Variants in PIGL observed in about 807,000 individuals in gnomAD.
The protein encoded by PIGL is phosphatidylinositol glycan anchor biosynthesis class L.
A neutral mutation model predicts 31.1 loss-of-function variants in PIGL; 22 were observed. That is an observed-to-expected ratio of 0.71 (90% confidence interval 0.51 to 1.01). The LOEUF (loss-of-function observed/expected upper bound fraction) is 1.01. Ranked by LOEUF, PIGL falls within the 50% of genes least tolerant of loss-of-function variation. The probability of loss-of-function intolerance (pLI) is 0.00; values close to 1 mark genes in which losing one functional copy is unlikely to be tolerated. For missense variants in PIGL, 302 were observed against 315.9 expected, an observed-to-expected ratio of 0.96 and a Z score of 0.33; for synonymous variants, 131 against 117.4, an observed-to-expected ratio of 1.12 and a Z score of -0.75.
intron 2 of PIGL, among the ~76,000 whole-genome samples, chr17:16,259,198 A>T (rs1311756147): frequency 6.6e-6 from 1 of 152,016 alleles, no homozygotes; most frequent in Non-Finnish European, 1.5e-5. Flanking sequence ...TGGAAGGATG[A>T]GTAGGCTTTA....
At chr17:16,317,325 C>A in intron 5 of PIGL, 1 of 979,694 alleles carries the variant, frequency 1.0e-6, no homozygotes, top group Non-Finnish European at 1.2e-6. Context: ...TATATCAATC[C>A]TGTGAGACAG....
intron 2 of PIGL, among the ~76,000 whole-genome samples, chr17:16,258,605 G>C (rs908021488): frequency 3.3e-5 from 5 of 152,086 alleles, no homozygotes; most frequent in Non-Finnish European, 7.4e-5. Context: ...CCGGGCCCAA[G>C]CGATTCTCCT....
In PIGL at chr17:16,304,708, C is replaced by T. The variant is rs889978184; in HGVS notation, c.426+4730C>T. On this transcript the variant is annotated intron_variant, in intron 3 of 6. Transcript: ENST00000225609. ...TCTCTGGGTGTTAAGCAGGCTAGGTCCTGGGCCTCAACCCCTCTACCTCAA... is the reference window on the plus strand; with the variant it reads ...TCTCTGGGTGTTAAGCAGGCTAGGTTCTGGGCCTCAACCCCTCTACCTCAA... Among the ~76,000 whole-genome samples, 3 of 152,152 alleles carry T rather than the reference C, an allele frequency of 2.0e-5. No homozygotes were observed. In the South Asian group the frequency reaches 6.2e-4, roughly 32 times the overall value.
At chr17:16,219,815 G>C (rs1276315053) in intron 1 of PIGL, among the ~76,000 whole-genome samples, 1 of 149,328 alleles carries the variant, frequency 6.7e-6, no homozygotes, top group Non-Finnish European at 1.5e-5. Context: ...CACCCACCTC[G>C]GCCTCCCAAA....
At chr17:16,243,545 G>C (rs894832032) in intron 2 of PIGL, among the ~76,000 whole-genome samples, 1 of 152,074 alleles carries the variant, frequency 6.6e-6, no homozygotes, top group African/African-American at 2.4e-5. Context: ...TATACCAGTG[G>C]ATTTATAGAG....
In PIGL at chr17:16,217,224, A is replaced by G. The variant is rs775528754; in HGVS notation, c.-3A>G. The G allele has an allele frequency of 1.9e-6, 3 of 1,613,358 alleles. No individual in the cohort carries two copies. The highest frequency in any genetic ancestry group is 2.5e-6 in the Non-Finnish European group (3 of 1,179,312). Reference sequence around the variant, plus strand: ...TGCGCAGGCTCAGTGCTGCTTACCCATCATGGAAGCAATGTGGCTCCTGTG... The same window carrying G: ...TGCGCAGGCTCAGTGCTGCTTACCCGTCATGGAAGCAATGTGGCTCCTGTG... On this transcript the variant is annotated 5_prime_UTR_variant, in exon 1 of 7. Transcript: ENST00000225609.
At chr17:16,292,032 CTTT>C (rs35568368) in intron 2 of PIGL, among the ~76,000 whole-genome samples, 2 of 122,242 alleles carry the variant, frequency 1.6e-5, no homozygotes, top group Admixed American at 8.9e-5. Flanking sequence ...TAATGGAGCT[CTTT>C]TTTTTTTTTT....
At chr17:16,306,508 TTGAGTTA>T (rs1472202819) in intron 3 of PIGL, among the ~76,000 whole-genome samples, 1 of 151,214 alleles carries the variant, frequency 6.6e-6, no homozygotes, top group Non-Finnish European at 1.5e-5. Flanking sequence ...AACCAGGTGT[TTGAGTTA>T]TACGATCTTT....
intron 2 of PIGL, among the ~76,000 whole-genome samples, chr17:16,271,964 A>G (rs1220611948): frequency 6.6e-6 from 1 of 152,012 alleles, no homozygotes; most frequent in Non-Finnish European, 1.5e-5. Flanking sequence ...GCCTCAAGCA[A>G]TCTTCCCACC....
chr17:16,299,326 G>C (rs911597429), intron 2 of PIGL, among the ~76,000 whole-genome samples: 1 of 151,914 alleles, frequency 6.6e-6, no homozygotes, highest in African/African-American at 2.4e-5. Flanking sequence ...GTGGTGGTGG[G>C]TGCCTGTAAT....
chr17:16,217,622 CCGG>C, intron 1 of PIGL, 161 bp downstream of exon 1: 2 of 597,620 alleles, frequency 3.3e-6, no homozygotes, highest in Admixed American at 3.1e-5. Flanking sequence ...ACAGGAGCGG[CCGG>C]CTTACCTGGT....
chr17:16,325,054 G>C (rs567465322), intron 6 of PIGL, among the ~76,000 whole-genome samples: 1 of 151,798 alleles, frequency 6.6e-6, no homozygotes. Flanking sequence ...TAAGAATGTG[G>C]ACTCTAACTG....
intron 2 of PIGL, among the ~76,000 whole-genome samples, chr17:16,262,391 C>T (rs2092822821): frequency 6.6e-6 from 1 of 152,096 alleles, no homozygotes; most frequent in Non-Finnish European, 1.5e-5. Context: ...GCCACTCACA[C>T]CTACATAAAT....
chr17:16,224,222 A>G (rs1341900126), intron 1 of PIGL, among the ~76,000 whole-genome samples: 1 of 151,594 alleles, frequency 6.6e-6, no homozygotes, highest in Admixed American at 6.6e-5. Context: ...ACTCCGTCTC[A>G]GGGGGAAAAG....
intron 2 of PIGL, among the ~76,000 whole-genome samples, chr17:16,286,415 C>A (rs2092937992): frequency 6.6e-6 from 1 of 152,176 alleles, no homozygotes; most frequent in Non-Finnish European, 1.5e-5. Flanking sequence ...GGTGACTGAA[C>A]GGACCCACAA....
chr17:16,247,154 C>T (rs917013579), intron 2 of PIGL, among the ~76,000 whole-genome samples: 4 of 152,148 alleles, frequency 2.6e-5, no homozygotes, highest in African/African-American at 9.7e-5. Context: ...AAGCCCCACT[C>T]GTATGACCTC....
chr17:16,276,578 CA>C (rs2092896631), intron 2 of PIGL, among the ~76,000 whole-genome samples: 1 of 152,074 alleles, frequency 6.6e-6, no homozygotes, highest in South Asian at 2.1e-4. Context: ...ATGAAAAGTA[CA>C]AAAATTAACT....
chr17:16,224,353 G>A (rs1450004240), intron 1 of PIGL, among the ~76,000 whole-genome samples: 1 of 151,904 alleles, frequency 6.6e-6, no homozygotes, highest in Non-Finnish European at 1.5e-5. Context: ...GGGGAAGACA[G>A]AGCCTCACTG....
chr17:16,232,681 A>G (rs2092683706), intron 1 of PIGL, among the ~76,000 whole-genome samples: 1 of 152,088 alleles, frequency 6.6e-6, no homozygotes. Flanking sequence ...ATCACCAAAA[A>G]TCAAGTAATC....
Sources: allele counts gnomAD v4.1 joint callset (sites outside exome capture counted in the v4.1 genomes callset), GRCh38; gene constraint gnomAD v4.1.1; transcripts MANE v1.5; gene names NCBI Gene and HGNC (gene_info 2026-07-23, HGNC 2026-07-21).